The following DLC1 variants were observed in gnomAD, a reference collection of about 807,000 sequenced individuals.
The protein encoded by DLC1 is rho GTPase-activating protein 7.
Under a neutral mutation model 140.3 loss-of-function variants are expected in DLC1, and 54 were observed. That is an observed-to-expected ratio of 0.38 (90% CI 0.31 to 0.48). DLC1 has a LOEUF of 0.48. Among genes scored for constraint, DLC1 ranks in the 20% least tolerant of loss-of-function variants. DLC1 has a pLI of 0.96. For missense variants in DLC1, 2,536 were observed against 1,907.0 expected (o/e 1.33, Z -6.14); for synonymous variants, 986 against 728.1 (o/e 1.35, Z -5.70).
At chr8:13,154,354 C>A (rs1824083374) in intron 5 of DLC1, among the ~76,000 whole-genome samples, 1 of 152,226 alleles carries the variant, frequency 6.6e-6, no homozygotes, top group African/African-American at 2.4e-5. Context: ...TGGGAGGTGG[C>A]TGAGGCCCAG....
intron 5 of DLC1, among the ~76,000 whole-genome samples, chr8:13,139,286 C>A (rs1822796991): frequency 1.9e-5 from 1 of 53,494 alleles, no homozygotes; most frequent in Non-Finnish European, 3.0e-5. Flanking sequence ...GAGACCCTGT[C>A]TCAAAAAAAA....
At chr8:13,291,507 T>A (rs1334143352) in intron 5 of DLC1, among the ~76,000 whole-genome samples, 1 of 152,134 alleles carries the variant, frequency 6.6e-6, no homozygotes, top group African/African-American at 2.4e-5. Context: ...GCTATTAAAA[T>A]GAAAATCAAA....
intron 1 of DLC1, among the ~76,000 whole-genome samples, chr8:13,520,559 C>G (rs1802733327): frequency 6.6e-6 from 1 of 151,832 alleles, no homozygotes; most frequent in South Asian, 2.1e-4. Flanking sequence ...CACCATGGCA[C>G]GTGTATACCT....
chr8:13,452,685 A>G (rs944991479), intron 2 of DLC1, among the ~76,000 whole-genome samples: 3 of 152,210 alleles, frequency 2.0e-5, no homozygotes, highest in Non-Finnish European at 4.4e-5. Flanking sequence ...TAGCAAAAAT[A>G]TTAACCAAAA....
At chr8:13,325,885 G>A (rs1254140234) in intron 4 of DLC1, among the ~76,000 whole-genome samples, 2 of 152,174 alleles carry the variant, frequency 1.3e-5, no homozygotes, top group Non-Finnish European at 2.9e-5. Context: ...GTCATGCACT[G>A]TAACGATGAT....
At chr8:13,112,608 G>A (rs1038414570) in intron 6 of DLC1, among the ~76,000 whole-genome samples, 1 of 152,224 alleles carries the variant, frequency 6.6e-6, no homozygotes, top group African/African-American at 2.4e-5. Context: ...AATGGAAATA[G>A]AAAGACTTAT....
At chr8:13,142,780 T>A (rs1823099380) in intron 5 of DLC1, among the ~76,000 whole-genome samples, 1 of 152,136 alleles carries the variant, frequency 6.6e-6, no homozygotes, top group South Asian at 2.1e-4. Context: ...CCAGGCAAGG[T>A]GGCTCACGCC....
intron 4 of DLC1, among the ~76,000 whole-genome samples, chr8:13,323,429 T>G (rs1023540869): frequency 3.3e-5 from 5 of 152,336 alleles, no homozygotes; most frequent in South Asian, 2.1e-4. Context: ...ACATTACAGT[T>G]TCTTTCATAG....
At chr8:13,338,893 C>T (rs575488636) in intron 4 of DLC1, 3 of 152,250 alleles carry the variant, frequency 2.0e-5, no homozygotes, top group East Asian at 3.9e-4. Flanking sequence ...TCAGAAACAT[C>T]GATAATTTTA....
At chr8:13,132,969 C>G in intron 5 of DLC1, 3 of 1,611,330 alleles carry the variant, frequency 1.9e-6, no homozygotes, top group Non-Finnish European at 2.5e-6. Context: ...TGTCCGGCTT[C>G]TTTCTGCACA....
chr8:13,546,093 C>CA (rs1034328920), intron 1 of DLC1, among the ~76,000 whole-genome samples: 1 of 151,846 alleles, frequency 6.6e-6, no homozygotes, highest in Non-Finnish European at 1.5e-5. Flanking sequence ...ATTATAAAGT[C>CA]AAAAAAAGTT....
At chr8:13,109,736 T>C (rs965116881) in intron 7 of DLC1, among the ~76,000 whole-genome samples, 1 of 151,690 alleles carries the variant, frequency 6.6e-6, no homozygotes, top group South Asian at 2.1e-4. Context: ...ATACACAAAA[T>C]TAGCTGGGCG....
chr8:13,386,946 A>G (rs1364201436), intron 4 of DLC1, among the ~76,000 whole-genome samples: 1 of 152,110 alleles, frequency 6.6e-6, no homozygotes, highest in African/African-American at 2.4e-5. Flanking sequence ...TTGCTTTGAC[A>G]TGGCAAAATG....
intron 5 of DLC1, among the ~76,000 whole-genome samples, chr8:13,292,113 G>A (rs1831779268): frequency 6.7e-6 from 1 of 148,658 alleles, no homozygotes; most frequent in Admixed American, 6.7e-5. Flanking sequence ...GTTTTGTTTT[G>A]TTTTCTTTTT....
chr8:13,479,250 AC>A (rs1800572929), intron 2 of DLC1, among the ~76,000 whole-genome samples: 1 of 152,226 alleles, frequency 6.6e-6, no homozygotes, highest in Non-Finnish European at 1.5e-5. Context: ...TAAAAATATG[AC>A]TGCAACAATA....
chr8:13,190,207 C>T (rs1010060605), intron 5 of DLC1, among the ~76,000 whole-genome samples: 1 of 152,114 alleles, frequency 6.6e-6, no homozygotes, highest in Non-Finnish European at 1.5e-5. Context: ...GTGTATTTTA[C>T]ACTTTATCCA....
chr8:13,543,818 A>G (rs898849814), intron 1 of DLC1, among the ~76,000 whole-genome samples: 9 of 152,088 alleles, frequency 5.9e-5, no homozygotes, highest in African/African-American at 2.2e-4. Flanking sequence ...ACAAAGTGGT[A>G]TAATGGACTT....
chr8:13,401,680 G>C (rs947671093), intron 2 of DLC1, 61 bp from the exon 3 acceptor site: 1 of 1,562,196 alleles, frequency 6.4e-7, no homozygotes, highest in Admixed American at 1.9e-5. Flanking sequence ...AGAATAAAAA[G>C]TTCCCTGTTC....
intron 5 of DLC1, among the ~76,000 whole-genome samples, chr8:13,163,117 C>T (rs1011082982): frequency 6.6e-6 from 1 of 152,138 alleles, no homozygotes; most frequent in Non-Finnish European, 1.5e-5. Context: ...AGCTTGGTGG[C>T]CCACGATTTT....
Sources: allele counts gnomAD v4.1 joint callset (sites outside exome capture counted in the v4.1 genomes callset), GRCh38; gene constraint gnomAD v4.1.1; transcripts MANE v1.5; gene names NCBI Gene and HGNC (gene_info 2026-07-23, HGNC 2026-07-21).